ATP8A1: variants seen among roughly 807,000 people sequenced by gnomAD.
The protein encoded by ATP8A1 is ATPase phospholipid transporting 8A1, also known as phospholipid-transporting ATPase IA.
Under a neutral mutation model 177.7 loss-of-function variants are expected in ATP8A1, and 90 were observed. That is an observed-to-expected ratio of 0.51 (90% confidence interval 0.43 to 0.60). ATP8A1 has a LOEUF of 0.60. Ranked by LOEUF, ATP8A1 falls within the 20% of genes least tolerant of loss-of-function variation. The probability of loss-of-function intolerance (pLI) is 0.00; values close to 1 mark genes in which losing one functional copy is unlikely to be tolerated. For missense variants in ATP8A1, 1,072 were observed against 1,392.8 expected (o/e 0.77, Z 3.67); for synonymous variants, 493 against 485.9 (o/e 1.01, Z -0.19).
At chr4:42,574,988 A>G (rs1325230307) in intron 13 of ATP8A1, among the ~76,000 whole-genome samples, 2 of 152,210 alleles carry the variant, frequency 1.3e-5, no homozygotes, top group Admixed American at 6.5e-5. Flanking sequence ...TGCCACTACC[A>G]CTACTTAACA....
chr4:42,534,600 G>A (rs1047784751), intron 20 of ATP8A1, among the ~76,000 whole-genome samples: 1 of 152,136 alleles, frequency 6.6e-6, no homozygotes, highest in Non-Finnish European at 1.5e-5. Context: ...AGGAATCATC[G>A]AGGAAAATTT....
chr4:42,631,195 A>C (rs1488827190), intron 1 of ATP8A1, among the ~76,000 whole-genome samples: 1 of 152,170 alleles, frequency 6.6e-6, no homozygotes. Flanking sequence ...CCCTTGTTAC[A>C]TGGTAAGTTA....
At chr4:42,421,698 C>A (rs1396103744) in intron 35 of ATP8A1, among the ~76,000 whole-genome samples, 1 of 152,062 alleles carries the variant, frequency 6.6e-6, no homozygotes, top group Non-Finnish European at 1.5e-5. Flanking sequence ...GACAACTACT[C>A]CATTGTGTCA....
chr4:42,511,791 C>A (rs550690123), intron 22 of ATP8A1, among the ~76,000 whole-genome samples: 38 of 152,092 alleles, frequency 2.5e-4, no homozygotes, highest in Middle Eastern at 6.8e-3. Flanking sequence ...TCCATATTAG[C>A]AAACATTATG....
chr4:42,491,057 T>A (rs1722692076), intron 24 of ATP8A1, among the ~76,000 whole-genome samples: 1 of 152,122 alleles, frequency 6.6e-6, no homozygotes, highest in South Asian at 2.1e-4. Context: ...AACTCCTGTA[T>A]ACTCTTAAAT....
In ATP8A1 at chr4:42,574,301, A is replaced by G. The variant is rs374900407; in HGVS notation, c.1295+318T>C. ...CTGATTATCTGTCCTTACCAGATCC[A>G]AGCTATACTCCAGTTTATAGTAGTG... On this transcript the variant is annotated intron_variant, in intron 14 of 36. Transcript: ENST00000381668. Among the ~76,000 whole-genome samples the G allele has an allele frequency of 3.5e-4, 54 of 152,302 alleles. 1 individual carries two copies. In the South Asian group the frequency reaches 6.8e-3, roughly 19 times the overall value.
At chr4:42,565,583 A>G (rs1161076984) in intron 15 of ATP8A1, among the ~76,000 whole-genome samples, 2 of 152,258 alleles carry the variant, frequency 1.3e-5, no homozygotes, top group African/African-American at 2.4e-5. Flanking sequence ...CACCCTCACT[A>G]GCATTTACTT....
chr4:42,623,075 G>A (rs1737664725), intron 4 of ATP8A1, among the ~76,000 whole-genome samples: 1 of 151,026 alleles, frequency 6.6e-6, no homozygotes, highest in Non-Finnish European at 1.5e-5. Context: ...CATACATGCG[G>A]CCAGCAAACG....
chr4:42,577,361 C>T (rs1376537012), intron 12 of ATP8A1, among the ~76,000 whole-genome samples: 1 of 152,126 alleles, frequency 6.6e-6, no homozygotes, highest in African/African-American at 2.4e-5. Flanking sequence ...TTCTAAATCA[C>T]ACTGATTTCT....
chr4:42,530,436 A>G (rs1727146838), intron 20 of ATP8A1, among the ~76,000 whole-genome samples: 1 of 152,240 alleles, frequency 6.6e-6, no homozygotes, highest in South Asian at 2.1e-4. Flanking sequence ...GCTTCTGCCA[A>G]GACTACCATC....
chr4:42,646,443 C>T (rs539511781), intron 1 of ATP8A1, among the ~76,000 whole-genome samples: 14 of 152,194 alleles, frequency 9.2e-5, no homozygotes, highest in Non-Finnish European at 7.3e-5. Flanking sequence ...GGGAAAAAGA[C>T]GGTCTGTAGA....
chr4:42,495,217 TTAAC>T (rs1248648119), intron 24 of ATP8A1, among the ~76,000 whole-genome samples: 6 of 152,250 alleles, frequency 3.9e-5, no homozygotes, highest in Non-Finnish European at 8.8e-5. Flanking sequence ...AAATTATGAA[TTAAC>T]GGAACATTCT....
At chr4:42,629,726 T>C (rs552208521) in intron 1 of ATP8A1, among the ~76,000 whole-genome samples, 1 of 152,342 alleles carries the variant, frequency 6.6e-6, no homozygotes, top group South Asian at 2.1e-4. Context: ...TCAGTGAACA[T>C]ACTTGACCTC....
In ATP8A1 at chr4:42,551,273, T is replaced by C. The variant is rs762450655; in HGVS notation, c.1527A>G (p.Gly509=). The C allele has an allele frequency of 6.2e-7, 1 of 1,613,454 alleles. No homozygotes were observed. Among genetic ancestry groups the C allele is most frequent in the South Asian group, 1.1e-5 (1 of 91,032 alleles). Residue 509 remains glycine, a synonymous_variant, in exon 18 of 37, where the codon GGA becomes GGG. Transcript: ENST00000381668. ...IIYQAASPDE[G]ALVRAAKQLN... ...ATTGCTTGGCTGCTCTGACCAATGC[T>C]CCCTCATCTGTTTTAGAAAAAGAGG...
chr4:42,515,098 A>T (rs1725397363), intron 22 of ATP8A1, among the ~76,000 whole-genome samples: 1 of 152,230 alleles, frequency 6.6e-6, no homozygotes, highest in African/African-American at 2.4e-5. Context: ...GTCTCACTTT[A>T]GAGGCCCTCC....
At chr4:42,429,820 G>A (rs944189212) in intron 33 of ATP8A1, among the ~76,000 whole-genome samples, 2 of 152,218 alleles carry the variant, frequency 1.3e-5, no homozygotes, top group African/African-American at 2.4e-5. Flanking sequence ...TCTGGCCCAC[G>A]TTACAACATG....
chr4:42,615,141 A>C (rs1455369479), intron 5 of ATP8A1, among the ~76,000 whole-genome samples: 2 of 152,176 alleles, frequency 1.3e-5, no homozygotes, highest in African/African-American at 4.8e-5. Flanking sequence ...ACTTTCTTAT[A>C]TGTTCCATAA....
chr4:42,610,072 T>G (rs888853634), intron 5 of ATP8A1, among the ~76,000 whole-genome samples: 2 of 152,086 alleles, frequency 1.3e-5, no homozygotes, highest in African/African-American at 4.8e-5. Context: ...GTTACTACCC[T>G]GATATCTGCT....
chr4:42,490,447 C>A (rs1249858394), intron 24 of ATP8A1, among the ~76,000 whole-genome samples: 1 of 152,206 alleles, frequency 6.6e-6, no homozygotes, highest in Non-Finnish European at 1.5e-5. Context: ...CCAGAGGCTA[C>A]TCCAGACCTT....
Sources: gnomAD v4.1 joint callset for allele counts (sites outside exome capture counted in the v4.1 genomes callset) on GRCh38, gnomAD v4.1.1 for gene constraint, MANE v1.5 for transcripts, NCBI Gene and HGNC (gene_info 2026-07-23, HGNC 2026-07-21) for gene names.